The following TBX18 variants were observed in gnomAD, a reference collection of about 807,000 sequenced individuals.
TBX18 encodes the protein T-box transcription factor 18, also known as T-box transcription factor TBX18.
In TBX18, 21 loss-of-function variants were observed where a neutral mutation model predicts 55.0. The ratio of observed to expected loss-of-function variants is 0.38; its 90% CI spans 0.27 to 0.55. The LOEUF is 0.55. Among genes scored for constraint, TBX18 ranks in the 20% least tolerant of loss-of-function variants. The probability of loss-of-function intolerance (pLI) is 0.73; values close to 1 mark genes in which losing one functional copy is unlikely to be tolerated. For missense variants in TBX18, 840 were observed against 799.6 expected (o/e 1.05, Z -0.61); for synonymous variants, 342 against 326.1 (o/e 1.05, Z -0.53).
rs1330020569 is a variant in TBX18, at chr6:84,737,415, A to G, written c.1100-6T>C. Reference sequence around the variant, plus strand: ...GGTGGAGGAACTTGCATTGCCTACAAAAGAAGTTGAAATGTAAAGAATGAC... The same window carrying G: ...GGTGGAGGAACTTGCATTGCCTACAGAAGAAGTTGAAATGTAAAGAATGAC... On this transcript the variant is annotated splice_polypyrimidine_tract_variant and splice_region_variant and intron_variant, in intron 7 of 7. Coordinates refer to ENST00000369663, the MANE Select transcript of TBX18 (RefSeq NM_001080508.3). 2 of 1,507,246 alleles carry G rather than the reference A, an allele frequency of 1.3e-6. No homozygotes were observed. Among genetic ancestry groups the G allele is most frequent in the African/African-American group, 2.8e-5 (2 of 71,646 alleles). The allele number at this position is 1,507,246 out of a possible 1,614,324, so 93.4% of individuals were successfully genotyped here. A position where few individuals can be genotyped will look rare whatever the true frequency, so the allele number is the denominator to read the frequency against.
At position 84,760,240 on chromosome 6, in the gene TBX18, A is replaced by G. The variant is rs866857903; in HGVS notation, c.599+15T>C. 2 of 1,500,642 alleles carry G rather than the reference A, an allele frequency of 1.3e-6. No individual in the cohort carries two copies. The highest frequency in any genetic ancestry group is 1.4e-5 in the African/African-American group (1 of 71,598). The allele number at this position is 1,500,642 out of a possible 1,614,324, so 93.0% of individuals were successfully genotyped here. ...GTGTTTTTTTTTTTAATTGTTCAGT[A>G]TCTAATCACTGTACCTGTATCTTTT... On this transcript the variant is annotated intron_variant, in intron 3 of 7. Coordinates refer to ENST00000369663, the MANE Select transcript of TBX18 (RefSeq NM_001080508.3).
chr6:84,759,502 G>C (rs1767589067), intron 3 of TBX18, among the ~76,000 whole-genome samples: 1 of 150,416 alleles, frequency 6.6e-6, no homozygotes. Flanking sequence ...TAGCTCTTCA[G>C]AAAAATATAA....
intron 7 of TBX18, 144 bp downstream of exon 7, chr6:84,738,353 T>A: frequency 5.5e-5 from 39 of 714,618 alleles, no homozygotes; most frequent in East Asian, 1.8e-4. Flanking sequence ...CCCCATACCA[T>A]GCAGAAGACA....
chr6:84,743,298 G>T (rs1030287273), intron 6 of TBX18, among the ~76,000 whole-genome samples: 1 of 152,134 alleles, frequency 6.6e-6, no homozygotes, highest in Non-Finnish European at 1.5e-5. Context: ...TGTATTCTGA[G>T]AAAAGGTCTC....
At position 84,755,015 on chromosome 6, in the gene TBX18, CTCTT is replaced by C. The variant is rs539961752; in HGVS notation, c.771+1679_771+1682del. Among the ~76,000 whole-genome samples the C allele has an allele frequency of 4.6e-5, 7 of 152,222 alleles. No individual in the cohort carries two copies. In the South Asian group the frequency reaches 1.5e-3, roughly 32 times the overall value. On this transcript the variant is annotated intron_variant, in intron 4 of 7. Coordinates refer to ENST00000369663, the MANE Select transcript of TBX18 (RefSeq NM_001080508.3). ...TTGTTCTCTCTGTGTCTGTTTTTCT[CTCTT>C]TCTTTCTCTCTCCCTCTCTACACAC... is the stretch of plus-strand genomic sequence containing the variant.
intron 5 of TBX18, 88 bp downstream of exon 5, chr6:84,747,832 C>T (rs1007205800): frequency 2.4e-6 from 3 of 1,234,478 alleles, no homozygotes; most frequent in Non-Finnish European, 3.4e-6. Context: ...CTTTATAATT[C>T]ATAATATTTA....
intron 2 of TBX18, 141 bp downstream of exon 2, chr6:84,762,403 G>A: frequency 1.0e-6 from 1 of 1,000,218 alleles, no homozygotes; most frequent in Middle Eastern, 2.9e-4. Context: ...GTGAACCACG[G>A]TCTGGGGCCT....
At chr6:84,747,212 A>G (rs1767220451) in intron 5 of TBX18, among the ~76,000 whole-genome samples, 1 of 152,000 alleles carries the variant, frequency 6.6e-6, no homozygotes, top group African/African-American at 2.4e-5. Context: ...ACCACAGGCC[A>G]CATCGGCTTA....
chr6:84,752,698 GACCTCAGCA>G (rs1230958450), intron 4 of TBX18, among the ~76,000 whole-genome samples: 1 of 152,112 alleles, frequency 6.6e-6, no homozygotes, highest in Non-Finnish European at 1.5e-5. Flanking sequence ...CCACCAGGGA[GACCTCAGCA>G]ACCTCCCCTA....
chr6:84,754,871 T>C (rs1283294901), intron 4 of TBX18, among the ~76,000 whole-genome samples: 1 of 152,192 alleles, frequency 6.6e-6, no homozygotes, highest in Admixed American at 6.5e-5. Context: ...GGAATTCTAT[T>C]ACAAAACTAC....
rs1368620893 is a variant in TBX18 at position 84,750,978 on chromosome 6, G to A, written c.772-2891C>T. On this transcript the variant is annotated intron_variant, in intron 4 of 7. Transcript: ENST00000369663. ...ATTTTGGGGAGCAGGGGAGTTTAAG[G>A]GAGAACCCTTCCTCTTCTCCAAGGT... Among the ~76,000 whole-genome samples the A allele has an allele frequency of 3.9e-5, 6 of 152,054 alleles. No homozygotes were observed. The East Asian group carries it at 1.2e-3, about 29-fold the overall frequency.
rs763263155 is a variant in TBX18, at chr6:84,763,948, C to G, written c.234G>C (p.Pro78=). The change falls in exon 1 of 8, where the codon CCG becomes CCC. Residue 78 remains proline (P), a synonymous_variant. Coordinates refer to ENST00000369663, the MANE Select transcript of TBX18 (RefSeq NM_001080508.3). The part of the protein sequence containing the change: ...EGDEGAALPP[P]AGATSGPARS... ...GAGCCGGCCCAGACGTCGCCCCAGC[C>G]GGCGGCGGGAGCGCAGCGCCTTCGT... 1.3e-5 allele frequency: 20 copies of G among 1,580,072 alleles called. No homozygotes were observed. The highest frequency in any genetic ancestry group is 1.7e-5 in the Non-Finnish European group (20 of 1,168,904).
At chr6:84,739,516 G>A (rs1185425925) in intron 6 of TBX18, among the ~76,000 whole-genome samples, 3 of 152,008 alleles carry the variant, frequency 2.0e-5, no homozygotes, top group African/African-American at 7.3e-5. Context: ...TCTCAAGACA[G>A]CCACACCTGA....
Position 84,741,827 on chromosome 6 carries a change from T to C in TBX18, c.1004+2434A>G, listed in dbSNP as rs529242153. On this transcript the variant is annotated intron_variant, in intron 6 of 7. Transcript: ENST00000369663. Reference sequence around the variant, plus strand: ...CATGCCCATGCTCTCCAAACAACCGTGCCCTCCACCAAGTCTTACATATAA... The same window carrying C: ...CATGCCCATGCTCTCCAAACAACCGCGCCCTCCACCAAGTCTTACATATAA... The C allele has an allele frequency of 1.3e-4, 20 of 152,260 alleles. No individual in the cohort carries two copies. The South Asian group carries it at 1.4e-3, about 11-fold the overall frequency. The allele number at this position is 152,260 out of a possible 1,614,324, so 9.4% of individuals were successfully genotyped here.
At chr6:84,751,911 A>G (rs1348191794) in intron 4 of TBX18, among the ~76,000 whole-genome samples, 1 of 152,202 alleles carries the variant, frequency 6.6e-6, no homozygotes, top group African/African-American at 2.4e-5. Context: ...ATGCTCAATA[A>G]AAGTTTGCTT....
chr6:84,740,950 T>G (rs1380235233), intron 6 of TBX18: 2 of 152,240 alleles, frequency 1.3e-5, no homozygotes, highest in Admixed American at 6.5e-5. Flanking sequence ...ATCCATAAAC[T>G]AAATTCTTAG....
At chr6:84,755,203 G>A (rs886584749) in intron 4 of TBX18, among the ~76,000 whole-genome samples, 6 of 151,974 alleles carry the variant, frequency 3.9e-5, no homozygotes, top group South Asian at 2.1e-4. Context: ...TAATTTGAAC[G>A]GAAAGAACTA....
chr6:84,754,895 C>G (rs1274750564), intron 4 of TBX18, among the ~76,000 whole-genome samples: 1 of 152,158 alleles, frequency 6.6e-6, no homozygotes, highest in East Asian at 1.9e-4. Context: ...CACACTCAAG[C>G]TGCAACATCA....
In TBX18 at chr6:84,736,944, C is replaced by G. The variant is rs1311920969; in HGVS notation, c.1565G>C (p.Arg522Thr). 1.2e-6 allele frequency: 2 copies of G among 1,609,108 alleles called. No individual in the cohort carries two copies. Among genetic ancestry groups the G allele is most frequent in the Non-Finnish European group, 1.7e-6 (2 of 1,176,908 alleles). ...ATATAGTGCACAGGGGCTGTGTAAT[C>G]TAAAAGTATTATAGGAACCCTGATG... is the stretch of plus-strand genomic sequence containing the variant. Reference protein sequence around the residue: ...QTHQGSYNTFRLHSPCALYGY... With the variant: ...QTHQGSYNTFTLHSPCALYGY... Residue 522 changes from arginine (R) to threonine (T), a missense_variant, in exon 8 of 8, where the codon AGA becomes ACA. Physicochemically the swap from Arg to Thr is moderately conservative, Grantham distance 71 (BLOSUM62 -1). Transcript: ENST00000369663.
Sources: gnomAD v4.1 joint callset for allele counts (sites outside exome capture counted in the v4.1 genomes callset) on GRCh38, gnomAD v4.1.1 for gene constraint, MANE v1.5 for transcripts, NCBI Gene and HGNC (gene_info 2026-07-23, HGNC 2026-07-21) for gene names.